The following SOHLH2 variants were observed in gnomAD, a reference collection of about 807,000 sequenced individuals.
SOHLH2 encodes the protein spermatogenesis and oogenesis specific basic helix-loop-helix 2.
Under a neutral mutation model 50.4 loss-of-function variants are expected in SOHLH2, and 22 were observed. The ratio of observed to expected loss-of-function variants is 0.44; its 90% CI spans 0.31 to 0.62. The LOEUF (loss-of-function observed/expected upper bound fraction) is 0.62. SOHLH2 is among the 20% of genes least tolerant of loss of function. The pLI is 0.08. For synonymous variants in SOHLH2, 185 were observed against 187.3 expected, an observed-to-expected ratio of 0.99 and a Z score of 0.10; for missense variants, 412 against 504.4, an observed-to-expected ratio of 0.82 and a Z score of 1.76.
intron 6 of SOHLH2, chr13:36,182,261 T>G (rs559432388): frequency 2.4e-5 from 24 of 985,420 alleles, no homozygotes; most frequent in Middle Eastern, 1.0e-3. Flanking sequence ...GTGAAGAGCC[T>G]GTTCTACTGC....
intron 1 of SOHLH2, among the ~76,000 whole-genome samples, chr13:36,205,350 T>C (rs1007625802): frequency 2.0e-5 from 3 of 152,128 alleles, no homozygotes; most frequent in African/African-American, 7.2e-5. Context: ...CTGACTTTAG[T>C]GGGAATATTT....
intron 4 of SOHLH2, among the ~76,000 whole-genome samples, chr13:36,192,270 T>G (rs1189798786): frequency 6.6e-6 from 1 of 152,124 alleles, no homozygotes; most frequent in Non-Finnish European, 1.5e-5. Context: ...AAATATAGCA[T>G]CTGAAAAAAA....
intron 9 of SOHLH2, among the ~76,000 whole-genome samples, chr13:36,173,460 T>C (rs1887016544): frequency 6.6e-6 from 1 of 152,238 alleles, no homozygotes; most frequent in Admixed American, 6.5e-5. Context: ...GTGCTTATCA[T>C]CTATCAACAG....
intron 2 of SOHLH2, among the ~76,000 whole-genome samples, chr13:36,199,272 C>T (rs1887825438): frequency 6.7e-6 from 1 of 150,084 alleles, no homozygotes; most frequent in Non-Finnish European, 1.5e-5. Flanking sequence ...CATTCATAGC[C>T]TCTGAGGACA....
chr13:36,208,787 T>A (rs539003882), intron 1 of SOHLH2, among the ~76,000 whole-genome samples: 22 of 152,306 alleles, frequency 1.4e-4, no homozygotes, highest in African/African-American at 4.3e-4. Context: ...TCCTACCAAG[T>A]CTGAAAACAT....
At chr13:36,170,392 C>G in intron 10 of SOHLH2, 139 bp downstream of exon 10, 1 of 1,395,168 alleles carries the variant, frequency 7.2e-7, no homozygotes, top group Non-Finnish European at 9.4e-7. Flanking sequence ...CCTTTTCACT[C>G]ATCAGGGTAG....
At chr13:36,205,809 C>A (rs1316884729) in intron 1 of SOHLH2, among the ~76,000 whole-genome samples, 1 of 151,898 alleles carries the variant, frequency 6.6e-6, no homozygotes, top group African/African-American at 2.4e-5. Context: ...TTAGGTAAAA[C>A]ATGTCTAGAA....
intron 1 of SOHLH2, among the ~76,000 whole-genome samples, 160 bp downstream of exon 1, chr13:36,214,319 G>A (rs969111917): frequency 4.6e-5 from 7 of 152,062 alleles, no homozygotes; most frequent in African/African-American, 1.7e-4. Flanking sequence ...GGGGAGAGTG[G>A]ACTCGCGTCC....
chr13:36,203,445 G>A (rs1364858140), intron 1 of SOHLH2, among the ~76,000 whole-genome samples: 2 of 152,138 alleles, frequency 1.3e-5, no homozygotes, highest in Non-Finnish European at 2.9e-5. Context: ...TATTTTCGAT[G>A]ATGACAATTG....
chr13:36,192,495 A>G (rs1887604488), intron 4 of SOHLH2, among the ~76,000 whole-genome samples: 1 of 152,220 alleles, frequency 6.6e-6, no homozygotes, highest in East Asian at 1.9e-4. Context: ...GAATGTCACA[A>G]ACAGACTCAC....
At chr13:36,183,115 T>C (rs965469180) in intron 6 of SOHLH2, 2 of 335,702 alleles carry the variant, frequency 6.0e-6, no homozygotes, top group African/African-American at 2.1e-5. Flanking sequence ...ATGTGACACA[T>C]TGGCTCCACT....
Position 36,193,869 on chromosome 13 carries a change from TGA to T in SOHLH2, c.264-4_264-3del, listed in dbSNP as rs1257254267. 3.1e-6 allele frequency: 5 copies of T among 1,592,406 alleles called. No homozygotes were observed. The highest frequency in any genetic ancestry group is 1.2e-5 in the South Asian group (1 of 85,204). ...TGTGTATTTTTCTTTTTGCCAAATC[TGA>T]GAGAGGAAAGAAAATGTTAAAATGA... is the stretch of plus-strand genomic sequence containing the variant. On this transcript the variant is annotated splice_region_variant and splice_polypyrimidine_tract_variant and intron_variant, in intron 2 of 10. Coordinates refer to ENST00000379881, the MANE Select transcript of SOHLH2 (RefSeq NM_017826.3).
At chr13:36,182,178 G>A in intron 6 of SOHLH2, 3 of 985,334 alleles carry the variant, frequency 3.0e-6, no homozygotes, top group Non-Finnish European at 3.6e-6. Context: ...GGGAAATGCA[G>A]GAGCAAAAGA....
chr13:36,197,676 T>C (rs1390109726), intron 2 of SOHLH2, among the ~76,000 whole-genome samples: 1 of 152,202 alleles, frequency 6.6e-6, no homozygotes, highest in Non-Finnish European at 1.5e-5. Context: ...ACTAACCTGG[T>C]ATGACCTACA....
Position 36,170,791 on chromosome 13 carries a change from T to C in SOHLH2, c.1001-4A>G. Reference sequence around the variant, plus strand: ...TCTGAGGCGGAGCTTGATGGAACTTTAATGAGAAAGAAAACAAATATGGGT... The same window carrying C: ...TCTGAGGCGGAGCTTGATGGAACTTCAATGAGAAAGAAAACAAATATGGGT... On this transcript the variant is annotated splice_polypyrimidine_tract_variant and splice_region_variant and intron_variant, in intron 9 of 10. Transcript: ENST00000379881. 6.2e-7 allele frequency: 1 copy of C among 1,609,694 alleles called. No homozygotes were observed. Among genetic ancestry groups the C allele is most frequent in the East Asian group, 2.2e-5 (1 of 44,786 alleles).
At chr13:36,172,205 C>T (rs977295114) in intron 9 of SOHLH2, among the ~76,000 whole-genome samples, 11 of 152,088 alleles carry the variant, frequency 7.2e-5, no homozygotes, top group African/African-American at 2.4e-4. Context: ...CTCGCTGCCA[C>T]GAAAATAATG....
intron 6 of SOHLH2, among the ~76,000 whole-genome samples, chr13:36,183,397 T>C (rs1199109342): frequency 6.6e-6 from 1 of 152,102 alleles, no homozygotes; most frequent in Non-Finnish European, 1.5e-5. Context: ...TCAAGGTAGA[T>C]TATGATAAGT....
chr13:36,175,739 C>G (rs532471974), intron 6 of SOHLH2, among the ~76,000 whole-genome samples: 1 of 152,048 alleles, frequency 6.6e-6, no homozygotes, highest in Non-Finnish European at 1.5e-5. Flanking sequence ...GTTTGACATA[C>G]GGCCAATGAA....
chr13:36,191,315 G>T (rs765191667), intron 5 of SOHLH2, among the ~76,000 whole-genome samples: 8 of 152,120 alleles, frequency 5.3e-5, no homozygotes, highest in Non-Finnish European at 1.0e-4. Context: ...GTACGTAAAA[G>T]ATACTAAATC....
Sources: gnomAD v4.1 joint callset for allele counts (sites outside exome capture counted in the v4.1 genomes callset) on GRCh38, gnomAD v4.1.1 for gene constraint, MANE v1.5 for transcripts, NCBI Gene and HGNC (gene_info 2026-07-23, HGNC 2026-07-21) for gene names.